Variants in PCDHGB4 observed in about 807,000 individuals in gnomAD.
PCDHGB4 encodes the protein protocadherin gamma subfamily B, 4.
In PCDHGB4, 38 loss-of-function variants were observed where a neutral mutation model predicts 60.5. That is an observed-to-expected ratio of 0.63 (90% CI 0.48 to 0.82). The LOEUF is 0.82. Ranked by LOEUF, PCDHGB4 falls within the 40% of genes least tolerant of loss-of-function variation. PCDHGB4 has a pLI of 0.00. For missense variants in PCDHGB4, 1,109 were observed against 1,209.6 expected (o/e 0.92, Z 1.23); for synonymous variants, 456 against 509.7 (o/e 0.89, Z 1.42).
chr5:141,405,328 C>T (rs4912606), intron 1 of PCDHGB4: 66,412 of 1,613,986 alleles, frequency 0.041, 1,736 homozygotes, highest in Non-Finnish European at 0.046. Flanking sequence ...AGCCTTTGTG[C>T]GTCTCTGTTG....
chr5:141,430,944 G>C (rs1417018095), intron 1 of PCDHGB4: 1 of 1,609,214 alleles, frequency 6.2e-7, no homozygotes, highest in Non-Finnish European at 8.5e-7. Flanking sequence ...CTCGCGGAGC[G>C]CGGAGTCCGC....
At chr5:141,483,706 C>T (rs1187078630) in intron 1 of PCDHGB4, among the ~76,000 whole-genome samples, 1 of 151,926 alleles carries the variant, frequency 6.6e-6, no homozygotes, top group African/African-American at 2.4e-5. Context: ...CTTTTTGACA[C>T]CAGAATATTG....
intron 1 of PCDHGB4, chr5:141,403,680 C>A: frequency 6.2e-7 from 1 of 1,613,846 alleles, no homozygotes; most frequent in Non-Finnish European, 8.5e-7. Context: ...CCGGTTTTTG[C>A]TCAACGGATT....
intron 2 of PCDHGB4, among the ~76,000 whole-genome samples, chr5:141,502,956 G>A (rs986743949): frequency 1.3e-5 from 2 of 148,846 alleles, no homozygotes; most frequent in African/African-American, 5.0e-5. Context: ...CGATTCTCCT[G>A]CCTCAGCCTC....
chr5:141,465,021 C>A (rs974818222), intron 1 of PCDHGB4, among the ~76,000 whole-genome samples: 1 of 152,100 alleles, frequency 6.6e-6, no homozygotes, highest in Non-Finnish European at 1.5e-5. Flanking sequence ...AGATTACAGC[C>A]ATGAACCACC....
chr5:141,431,435 GC>G lies in PCDHGB4; in HGVS notation c.2397+41155del. On this transcript the variant is annotated intron_variant, in intron 1 of 3. Coordinates refer to ENST00000519479, the MANE Select transcript of PCDHGB4 (RefSeq NM_003736.4). The surrounding 1 kb of genome is among the most constrained non-coding windows in gnomAD (Gnocchi z 4.8). The stretch of plus-strand genomic sequence containing the variant: ...GGGCGACCCGGTGCGCACAGGCACC[GC>G]GCGCATCCGCGTGATGGTTCTGGAT... 1.9e-6 allele frequency: 3 copies of G among 1,613,668 alleles called. No individual in the cohort carries two copies. The highest frequency in any genetic ancestry group is 2.5e-6 in the Non-Finnish European group (3 of 1,180,026).
intron 1 of PCDHGB4, chr5:141,409,054 T>TA: frequency 6.2e-7 from 1 of 1,614,028 alleles, no homozygotes; most frequent in African/African-American, 1.3e-5. Flanking sequence ...TCCGAAGCAC[T>TA]GCCCAGAGCA....
Position 141,486,799 on chromosome 5 carries a change from C to A in PCDHGB4, c.2398-8008C>A. The A allele has an allele frequency of 6.2e-7, 1 of 1,614,220 alleles. No individual in the cohort carries two copies. Among genetic ancestry groups the A allele is most frequent in the African/African-American group, 1.3e-5 (1 of 75,060 alleles). ...AGGTGCAGGCCCGGGATCGGGGCAA[C>A]CCACCCCTTAGCAGCACTGTAACAG... On this transcript the variant is annotated intron_variant, in intron 1 of 3. Coordinates refer to ENST00000519479, the MANE Select transcript of PCDHGB4 (RefSeq NM_003736.4). This position sits in a 1 kb window ranked among gnomAD's most constrained non-coding sequence, Gnocchi z 5.0.
At chr5:141,510,845 C>T (rs2099883036) in intron 3 of PCDHGB4, 102 bp from the exon 4 acceptor site, 3 of 1,593,960 alleles carry the variant, frequency 1.9e-6, no homozygotes, top group Non-Finnish European at 2.6e-6. Context: ...TGGTCAAGGC[C>T]CAGGGTGCTG....
intron 1 of PCDHGB4, chr5:141,403,259 C>T: frequency 6.2e-7 from 1 of 1,613,866 alleles, no homozygotes; most frequent in Admixed American, 1.7e-5. Context: ...CCCGCGGTGT[C>T]TGGTGAACTT....
chr5:141,405,494 A>G, intron 1 of PCDHGB4: 1 of 840,532 alleles, frequency 1.2e-6, no homozygotes, highest in Non-Finnish European at 1.8e-6. Context: ...ATCTCGGCTC[A>G]TTGCAACCTC....
rs376996144 is a variant in PCDHGB4, at chr5:141,491,534, G to C, written c.2398-3273G>C. 3.7e-6 allele frequency: 6 copies of C among 1,613,912 alleles called. No homozygotes were observed. The highest frequency in any genetic ancestry group is 1.3e-5 in the African/African-American group (1 of 74,928). ...CTCAAGTACATGGAGGTGACGCTGC[G>C]GCCCACAGACTCGCAGAGCCACTGC... On this transcript the variant is annotated intron_variant, in intron 1 of 3. Coordinates refer to ENST00000519479, the MANE Select transcript of PCDHGB4 (RefSeq NM_003736.4). This position sits in a 1 kb window ranked among gnomAD's most constrained non-coding sequence, Gnocchi z 6.9.
intron 1 of PCDHGB4, among the ~76,000 whole-genome samples, chr5:141,425,841 C>T (rs936781561): frequency 2.0e-5 from 3 of 152,190 alleles, no homozygotes; most frequent in African/African-American, 7.2e-5. Context: ...ATTCTCTTTG[C>T]TGGGTTAATG....
intron 1 of PCDHGB4, among the ~76,000 whole-genome samples, chr5:141,401,278 G>T (rs1355696847): frequency 6.6e-6 from 1 of 152,160 alleles, no homozygotes; most frequent in Non-Finnish European, 1.5e-5. Context: ...GCAGGTGGAG[G>T]TTGCGGTGAG....
intron 1 of PCDHGB4, chr5:141,410,447 C>T (rs760711107): frequency 3.1e-6 from 5 of 1,613,984 alleles, no homozygotes; most frequent in African/African-American, 2.7e-5. Context: ...GGGGACTTTG[C>T]CTTATTCTTA....
At chr5:141,454,964 C>T (rs1283179107) in intron 1 of PCDHGB4, among the ~76,000 whole-genome samples, 10 of 151,622 alleles carry the variant, frequency 6.6e-5, no homozygotes, top group African/African-American at 2.4e-4. Flanking sequence ...CCGGCCACCA[C>T]GCCTGGCTAA....
intron 2 of PCDHGB4, among the ~76,000 whole-genome samples, chr5:141,496,827 C>A (rs1595415247): frequency 6.6e-6 from 1 of 151,780 alleles, no homozygotes; most frequent in East Asian, 1.9e-4. Context: ...TAGATGTGAT[C>A]CCAGAACTCA....
chr5:141,410,788 C>A, intron 1 of PCDHGB4: 2 of 712,228 alleles, frequency 2.8e-6, no homozygotes, highest in Non-Finnish European at 4.0e-6. Context: ...GTATTTGGTT[C>A]ATAAGTTGCT....
rs187495695 is a variant in PCDHGB4, at chr5:141,486,508, T to G, written c.2398-8299T>G. The G allele has an allele frequency of 9.3e-6, 15 of 1,614,172 alleles. No homozygotes were observed. In the Admixed American group the frequency reaches 2.5e-4, roughly 27 times the overall value. The stretch of plus-strand genomic sequence containing the variant: ...CCCACAGAACTATTTTCCTCAATAT[T>G]TCAGATGTGAATGATAATCCACCCT... On this transcript the variant is annotated intron_variant, in intron 1 of 3. Coordinates refer to ENST00000519479, the MANE Select transcript of PCDHGB4 (RefSeq NM_003736.4). The surrounding 1 kb of genome is among the most constrained non-coding windows in gnomAD (Gnocchi z 5.0).
Sources: gnomAD v4.1 joint callset for allele counts (sites outside exome capture counted in the v4.1 genomes callset) on GRCh38, gnomAD v4.1.1 for gene constraint, Gnocchi (gnomAD v3.1) non-coding constraint, MANE v1.5 for transcripts, NCBI Gene and HGNC (gene_info 2026-07-23, HGNC 2026-07-21) for gene names.